Variants in RBM6 observed in about 807,000 individuals in gnomAD.
RBM6 encodes RNA-binding protein 6.
A neutral mutation model predicts 140.4 loss-of-function variants in RBM6; 23 were observed. The observed-to-expected ratio is 0.16, with a 90% CI of 0.12 to 0.23. RBM6 has a LOEUF of 0.23. RBM6 is among the 10% of genes least tolerant of loss of function. The pLI, the probability that RBM6 is intolerant of heterozygous loss-of-function variation, is 1.00. For synonymous variants in RBM6, 439 were observed against 475.6 expected (o/e 0.92, Z 1.00); for missense variants, 1,139 against 1,386.7 (o/e 0.82, Z 2.84).
intron 6 of RBM6, among the ~76,000 whole-genome samples, chr3:50,015,431 ATTTTTTTTT>A (rs1203865246): frequency 6.9e-6 from 1 of 145,774 alleles, no homozygotes; most frequent in Non-Finnish European, 1.5e-5. Context: ...TATTATTATT[ATTTTTTTTT>A]TTTTTTTTGA....
chr3:50,072,556 A>G (rs931320168), intron 19 of RBM6, among the ~76,000 whole-genome samples: 2 of 152,184 alleles, frequency 1.3e-5, no homozygotes, highest in African/African-American at 4.8e-5. Flanking sequence ...ATTTGATCCA[A>G]CCCACAATAA....
chr3:49,985,057 C>G (rs957143111), intron 5 of RBM6, among the ~76,000 whole-genome samples: 2 of 152,186 alleles, frequency 1.3e-5, no homozygotes, highest in Non-Finnish European at 2.9e-5. Flanking sequence ...CTATAGTCCT[C>G]ACTTACCTCT....
At chr3:50,013,375 A>G (rs2086955069) in intron 6 of RBM6, among the ~76,000 whole-genome samples, 1 of 152,128 alleles carries the variant, frequency 6.6e-6, no homozygotes, top group Non-Finnish European at 1.5e-5. Context: ...GTCTTTTAAA[A>G]AAAACAGTGA....
At chr3:50,012,183 C>T (rs796362543) in intron 6 of RBM6, among the ~76,000 whole-genome samples, 13 of 152,010 alleles carry the variant, frequency 8.6e-5, no homozygotes, top group African/African-American at 2.9e-4. Flanking sequence ...ATCGGATCCC[C>T]GTTTGGGGAT....
rs553609772 is a variant in RBM6, at chr3:50,020,855, G to A, written c.1557+21342G>A. ...AAAATACAGTATTTCAGTATTTTGG[G>A]ACCACCATCATATATGCAAGCCCAT... On this transcript the variant is annotated intron_variant, in intron 6 of 20. Transcript: ENST00000266022. Among the ~76,000 whole-genome samples, 8 of 152,214 alleles carry A rather than the reference G, an allele frequency of 5.3e-5. No individual in the cohort carries two copies. The East Asian group carries it at 1.3e-3, about 26-fold the overall frequency.
chr3:50,059,826 A>C, intron 11 of RBM6, 80 bp downstream of exon 11: 1 of 1,108,748 alleles, frequency 9.0e-7, no homozygotes, highest in South Asian at 1.5e-5. Context: ...GGCTGGAAAA[A>C]CAGTAAAGCA....
chr3:49,948,009 G>A (rs1230027882), intron 1 of RBM6, among the ~76,000 whole-genome samples: 5 of 152,038 alleles, frequency 3.3e-5, no homozygotes, highest in East Asian at 1.9e-4. Context: ...CAGGAGAATC[G>A]CTTGAACTGG....
chr3:50,039,384 C>T (rs1350046967), intron 6 of RBM6, among the ~76,000 whole-genome samples: 9 of 151,968 alleles, frequency 5.9e-5, no homozygotes, highest in South Asian at 2.1e-4. Flanking sequence ...GGATTAGAAG[C>T]GCCCATTACC....
intron 1 of RBM6, among the ~76,000 whole-genome samples, chr3:49,953,341 T>C (rs1376631209): frequency 1.3e-5 from 2 of 151,654 alleles, no homozygotes; most frequent in African/African-American, 4.8e-5. Context: ...TCCCTCAGCC[T>C]CCTGAGTAGC....
At chr3:49,971,096 A>G (rs1430928227) in intron 3 of RBM6, among the ~76,000 whole-genome samples, 8 of 151,912 alleles carry the variant, frequency 5.3e-5, no homozygotes, top group Non-Finnish European at 2.9e-5. Flanking sequence ...GAGAAACCCC[A>G]TTTCTACTAA....
At chr3:49,956,145 C>T (rs2083977028) in intron 1 of RBM6, among the ~76,000 whole-genome samples, 1 of 151,622 alleles carries the variant, frequency 6.6e-6, no homozygotes, top group South Asian at 2.1e-4. Context: ...GTCCCAGTCT[C>T]CTGAGTAGCT....
At chr3:49,962,409 G>A (rs1195219563) in intron 1 of RBM6, among the ~76,000 whole-genome samples, 167 bp from the exon 2 acceptor site, 1 of 151,440 alleles carries the variant, frequency 6.6e-6, no homozygotes, top group Non-Finnish European at 1.5e-5. Flanking sequence ...TCCAGCCTGG[G>A]CGACAGAGCG....
chr3:50,056,449 C>T (rs552211448), intron 8 of RBM6, among the ~76,000 whole-genome samples: 4 of 152,204 alleles, frequency 2.6e-5, no homozygotes, highest in Admixed American at 1.3e-4. Flanking sequence ...CACCCGCCAC[C>T]GTGCCCAGCT....
chr3:50,061,405 C>T (rs1470775276), intron 13 of RBM6, 57 bp from the exon 14 acceptor site: 4 of 1,584,052 alleles, frequency 2.5e-6, no homozygotes, highest in Non-Finnish European at 1.7e-6. Context: ...TGATGAGTCT[C>T]CAGTAAGGGC....
At chr3:49,980,332 A>T (rs1209090418) in intron 5 of RBM6, among the ~76,000 whole-genome samples, 1 of 152,138 alleles carries the variant, frequency 6.6e-6, no homozygotes, top group Non-Finnish European at 1.5e-5. Flanking sequence ...TAGAAAATAC[A>T]TAATGAAGTT....
In RBM6 at chr3:50,065,140, T is replaced by G. The variant is rs758917890; in HGVS notation, c.2682+14T>G. 141 of 1,588,026 alleles carry G rather than the reference T, an allele frequency of 8.9e-5. No individual in the cohort carries two copies. The highest frequency in any genetic ancestry group is 1.7e-5 in the Admixed American group (1 of 58,832). On this transcript the variant is annotated intron_variant, in intron 16 of 20. Transcript: ENST00000266022. Reference sequence around the variant, plus strand: ...AGTCCCCCTCCAGTAAGACCAACATTGATCCCCTGGACCTAGGGCTGGGGC... The same window carrying G: ...AGTCCCCCTCCAGTAAGACCAACATGGATCCCCTGGACCTAGGGCTGGGGC...
intron 5 of RBM6, among the ~76,000 whole-genome samples, chr3:49,993,987 A>C (rs1421177413): frequency 1.3e-5 from 2 of 152,198 alleles, no homozygotes. Flanking sequence ...ATGTGGACCA[A>C]TTTTATCCTT....
intron 3 of RBM6, among the ~76,000 whole-genome samples, chr3:49,971,486 G>A (rs2084791707): frequency 6.6e-6 from 1 of 150,706 alleles, no homozygotes; most frequent in Non-Finnish European, 1.5e-5. Context: ...TCTCACCAGA[G>A]GTATGAAGTA....
At chr3:50,021,593 A>T (rs1322147724) in intron 6 of RBM6, among the ~76,000 whole-genome samples, 1 of 152,116 alleles carries the variant, frequency 6.6e-6, no homozygotes, top group Non-Finnish European at 1.5e-5. Flanking sequence ...GTGAACCAAG[A>T]TTGCGCCAGT....
Sources: allele counts gnomAD v4.1 joint callset (sites outside exome capture counted in the v4.1 genomes callset), GRCh38; gene constraint gnomAD v4.1.1; transcripts MANE v1.5; gene names NCBI Gene and HGNC (gene_info 2026-07-23, HGNC 2026-07-21).